AMPH: variants seen among roughly 807,000 people sequenced by gnomAD.
The protein encoded by AMPH is amphiphysin, also known as amphiphysin (Stiff-Mann syndrome with breast cancer 128kD autoantigen).
A neutral mutation model predicts 99.1 loss-of-function variants in AMPH; 49 were observed. That is an observed-to-expected ratio of 0.49 (90% confidence interval 0.39 to 0.63). The LOEUF (loss-of-function observed/expected upper bound fraction) is 0.63, where lower values mean the gene tolerates loss of function less well. Among genes scored for constraint, AMPH ranks in the 20% least tolerant of loss-of-function variants. The pLI, the probability that AMPH is intolerant of heterozygous loss-of-function variation, is 0.00. For synonymous variants in AMPH, 314 were observed against 317.3 expected (o/e 0.99, Z 0.11); for missense variants, 759 against 863.4 (o/e 0.88, Z 1.52).
chr7:38,473,244 A>G (rs1787949409), intron 7 of AMPH, among the ~76,000 whole-genome samples: 1 of 152,218 alleles, frequency 6.6e-6, no homozygotes, highest in South Asian at 2.1e-4. Context: ...GGGGAAATAA[A>G]AAGTATAACT....
At chr7:38,476,607 T>C (rs1014785099) in intron 6 of AMPH, among the ~76,000 whole-genome samples, 3 of 152,218 alleles carry the variant, frequency 2.0e-5, no homozygotes, top group Admixed American at 2.0e-4. Flanking sequence ...GACACACTAC[T>C]TTCTTTGATC....
At chr7:38,569,591 T>C (rs1791870512) in intron 1 of AMPH, among the ~76,000 whole-genome samples, 2 of 152,074 alleles carry the variant, frequency 1.3e-5, no homozygotes, top group East Asian at 1.9e-4. Flanking sequence ...CATTTTATAA[T>C]AAATTGATAT....
intron 1 of AMPH, among the ~76,000 whole-genome samples, chr7:38,574,587 T>C (rs911561272): frequency 2.0e-5 from 3 of 152,118 alleles, no homozygotes; most frequent in African/African-American, 7.2e-5. Context: ...GCCTGAAAAA[T>C]GTAACAAAGA....
intron 1 of AMPH, among the ~76,000 whole-genome samples, chr7:38,539,514 TACTC>T (rs1790733287): frequency 6.6e-6 from 1 of 152,202 alleles, no homozygotes; most frequent in Non-Finnish European, 1.5e-5. Flanking sequence ...GGACCCATCT[TACTC>T]AGGAAGAGGC....
intron 18 of AMPH, among the ~76,000 whole-genome samples, chr7:38,393,705 T>C (rs1784583704): frequency 6.6e-6 from 1 of 152,186 alleles, no homozygotes; most frequent in Non-Finnish European, 1.5e-5. Flanking sequence ...TCCATTCTCA[T>C]CCTTTTCACT....
chr7:38,572,304 T>C (rs1441413745), intron 1 of AMPH, among the ~76,000 whole-genome samples: 1 of 152,152 alleles, frequency 6.6e-6, no homozygotes, highest in Non-Finnish European at 1.5e-5. Flanking sequence ...ATCTACAGTA[T>C]TCAGTGCAGA....
intron 17 of AMPH, among the ~76,000 whole-genome samples, chr7:38,410,060 G>C (rs181883919): frequency 6.6e-6 from 1 of 152,336 alleles, no homozygotes; most frequent in East Asian, 1.9e-4. Context: ...ATTGCAAATA[G>C]TTTGTTAAAG....
intron 17 of AMPH, among the ~76,000 whole-genome samples, chr7:38,410,998 C>T (rs2267806): frequency 0.053 from 8,107 of 152,212 alleles, 576 homozygotes; most frequent in East Asian, 0.36. Context: ...TGATATGAGA[C>T]GTGTTGATAA....
Position 38,610,364 on chromosome 7 carries a change from A to AG in AMPH, c.69+20918_69+20919insC, listed in dbSNP as rs2129065770. 3.9e-5 allele frequency among the ~76,000 whole-genome samples: 2 copies of AG among 51,900 alleles called. 1 individual carries two copies. The highest frequency in any genetic ancestry group is 7.4e-4 in the South Asian group (2 of 2,688). 34.0% of individuals were successfully genotyped at this position (51,900 alleles called of 152,430 possible). Reference sequence around the variant, plus strand: ...AAAAGAAAAGAAAAGAAAAGAAAAGAAAAGAAAAGAAAGGAAAGGAAAAGA... The same window carrying AG: ...AAAAGAAAAGAAAAGAAAAGAAAAGAGAAAGAAAAGAAAGGAAAGGAAAAGA... On this transcript the variant is annotated intron_variant, in intron 1 of 20. Coordinates refer to ENST00000356264, the MANE Select transcript of AMPH (RefSeq NM_001635.4).
intron 1 of AMPH, among the ~76,000 whole-genome samples, chr7:38,585,751 T>A (rs1216206223): frequency 6.6e-6 from 1 of 152,226 alleles, no homozygotes; most frequent in African/African-American, 2.4e-5. Flanking sequence ...AAGGGCTATT[T>A]TTGAAACATT....
At chr7:38,571,280 T>TAA in intron 1 of AMPH, among the ~76,000 whole-genome samples, 1 of 37,350 alleles carries the variant, frequency 2.7e-5, no homozygotes, top group Non-Finnish European at 4.4e-5. Context: ...TATATATATT[T>TAA]TTATATATAT....
intron 2 of AMPH, among the ~76,000 whole-genome samples, chr7:38,534,204 A>G (rs1273876678): frequency 1.3e-5 from 2 of 152,156 alleles, no homozygotes; most frequent in African/African-American, 4.8e-5. Flanking sequence ...CCAAGAACCA[A>G]TTTTCAGCCC....
chr7:38,465,982 T>A (rs960548629), intron 8 of AMPH, among the ~76,000 whole-genome samples, 191 bp downstream of exon 8: 1 of 152,058 alleles, frequency 6.6e-6, no homozygotes, highest in Non-Finnish European at 1.5e-5. Flanking sequence ...GGCAAAATCT[T>A]CAAAAGATAC....
chr7:38,508,006 C>T (rs1038216272), intron 2 of AMPH, among the ~76,000 whole-genome samples: 4 of 152,118 alleles, frequency 2.6e-5, no homozygotes, highest in African/African-American at 9.7e-5. Context: ...AATACATATG[C>T]CAAGACTTCA....
At chr7:38,403,965 C>A (rs557710899) in intron 17 of AMPH, among the ~76,000 whole-genome samples, 125 of 152,294 alleles carry the variant, frequency 8.2e-4, no homozygotes, top group African/African-American at 2.9e-3. Context: ...CCTCCCTAAA[C>A]AGAGTGGGCA....
intron 2 of AMPH, among the ~76,000 whole-genome samples, chr7:38,523,860 A>G (rs1214447458): frequency 1.3e-5 from 2 of 152,182 alleles, no homozygotes; most frequent in African/African-American, 2.4e-5. Context: ...TTGATGAGAA[A>G]CAGGACATGT....
At chr7:38,614,318 C>G (rs575826629) in intron 1 of AMPH, among the ~76,000 whole-genome samples, 10 of 152,306 alleles carry the variant, frequency 6.6e-5, no homozygotes, top group Admixed American at 1.3e-4. Context: ...GGCAAACAAT[C>G]CTGCAGTTTC....
chr7:38,477,731 A>T (rs11767573), intron 5 of AMPH, among the ~76,000 whole-genome samples: 2 of 151,986 alleles, frequency 1.3e-5, no homozygotes, highest in South Asian at 2.1e-4. Flanking sequence ...AAAAGCTTTA[A>T]GCCGCTTGAG....
chr7:38,487,389 C>A (rs1788542211), intron 5 of AMPH, among the ~76,000 whole-genome samples: 1 of 152,132 alleles, frequency 6.6e-6, no homozygotes, highest in Admixed American at 6.6e-5. Context: ...ACCATCTGAT[C>A]TTTGACAAAT....
Sources: gnomAD v4.1 joint callset for allele counts (sites outside exome capture counted in the v4.1 genomes callset) on GRCh38, gnomAD v4.1.1 for gene constraint, MANE v1.5 for transcripts, NCBI Gene and HGNC (gene_info 2026-07-23, HGNC 2026-07-21) for gene names.